CPED1: variants seen among roughly 807,000 people sequenced by gnomAD.
CPED1 encodes the protein cadherin-like and PC-esterase domain-containing protein 1.
A neutral mutation model predicts 128.2 loss-of-function variants in CPED1; 114 were observed. That is an observed-to-expected ratio of 0.89 (90% CI 0.76 to 1.04). The LOEUF is 1.04. Among genes scored for constraint, CPED1 ranks in the 50% least tolerant of loss-of-function variants. The pLI, the probability that CPED1 is intolerant of heterozygous loss-of-function variation, is 0.00. For missense variants in CPED1, 1,211 were observed against 1,207.1 expected, an observed-to-expected ratio of 1.00 and a Z score of -0.05; for synonymous variants, 462 against 426.7, an observed-to-expected ratio of 1.08 and a Z score of -1.02.
At chr7:121,074,527 T>TTTTTTTTTTTTG in intron 5 of CPED1, among the ~76,000 whole-genome samples, 1 of 148,494 alleles carries the variant, frequency 6.7e-6, no homozygotes, top group Admixed American at 6.8e-5. Context: ...TTTTTTTTTT[T>TTTTTTTTTTTTG]GAGGGCACCT....
intron 7 of CPED1, among the ~76,000 whole-genome samples, chr7:121,119,896 C>CA (rs1300923317): frequency 6.6e-6 from 1 of 152,106 alleles, no homozygotes; most frequent in Non-Finnish European, 1.5e-5. Context: ...CTAGATACCT[C>CA]ACATAAGTGG....
chr7:121,080,333 C>T (rs1013085639), intron 5 of CPED1, among the ~76,000 whole-genome samples: 3 of 152,250 alleles, frequency 2.0e-5, no homozygotes, highest in East Asian at 1.9e-4. Context: ...ACTAATACAT[C>T]GCCCAGTGAT....
intron 16 of CPED1, among the ~76,000 whole-genome samples, chr7:121,147,832 C>T (rs1685784874): frequency 6.6e-6 from 1 of 152,124 alleles, no homozygotes; most frequent in Admixed American, 6.5e-5. Context: ...TTTAGCTACA[C>T]ATTTGAAACT....
intron 4 of CPED1, among the ~76,000 whole-genome samples, chr7:121,053,732 T>A (rs1793421753): frequency 6.6e-6 from 1 of 152,236 alleles, no homozygotes; most frequent in South Asian, 2.1e-4. Context: ...ACTTTCATAA[T>A]TATTAATTGG....
intron 16 of CPED1, among the ~76,000 whole-genome samples, chr7:121,178,328 A>G (rs1796829043): frequency 6.6e-6 from 1 of 152,126 alleles, no homozygotes; most frequent in African/African-American, 2.4e-5. Context: ...AGAGAAAGAA[A>G]GTTACATTTT....
At chr7:121,210,337 T>C (rs770195777) in intron 16 of CPED1, among the ~76,000 whole-genome samples, 67 of 152,160 alleles carry the variant, frequency 4.4e-4, no homozygotes, top group Non-Finnish European at 7.2e-4. Flanking sequence ...GAAATTAGCA[T>C]ATAGAAGAGA....
intron 4 of CPED1, among the ~76,000 whole-genome samples, chr7:121,047,684 TCTTCTTCTTCTTCTTCTTCTTCTTCTTC>T (rs1563004849): frequency 3.0e-5 from 3 of 100,324 alleles, no homozygotes; most frequent in African/African-American, 5.4e-5. Context: ...TTCTTCTTCT[TCTTCTTCTTCTTCTTCTTCTTCTTCTTC>T]TTCTTTTTTT....
chr7:121,044,946 T>C (rs1585036525), intron 3 of CPED1, among the ~76,000 whole-genome samples: 1 of 152,092 alleles, frequency 6.6e-6, no homozygotes, highest in South Asian at 2.1e-4. Context: ...AAATATTTAG[T>C]TGGGAATCAT....
At chr7:121,234,812 C>T (rs574729245) in intron 16 of CPED1, among the ~76,000 whole-genome samples, 1 of 152,220 alleles carries the variant, frequency 6.6e-6, no homozygotes, top group African/African-American at 2.4e-5. Flanking sequence ...TGAACACACA[C>T]GTACACGTGT....
chr7:121,158,560 AATC>A (rs1403908158), intron 16 of CPED1, among the ~76,000 whole-genome samples: 1 of 151,768 alleles, frequency 6.6e-6, no homozygotes, highest in Non-Finnish European at 1.5e-5. Flanking sequence ...GTCCCTTATT[AATC>A]ATCTTTTTTT....
At chr7:121,226,392 C>A (rs1798014474) in intron 16 of CPED1, among the ~76,000 whole-genome samples, 3 of 151,968 alleles carry the variant, frequency 2.0e-5, no homozygotes. Context: ...TCCTGTTCAG[C>A]CATCTTGGAA....
intron 22 of CPED1, among the ~76,000 whole-genome samples, chr7:121,284,933 T>A (rs10233441): frequency 0.42 from 64,171 of 152,020 alleles, 14,456 homozygotes; most frequent in African/African-American, 0.57. Flanking sequence ...CCCAGTGGGG[T>A]CACTGTGTGG....
At chr7:121,294,456 A>G (rs1449230465) in intron 22 of CPED1, among the ~76,000 whole-genome samples, 1 of 152,216 alleles carries the variant, frequency 6.6e-6, no homozygotes, top group Non-Finnish European at 1.5e-5. Context: ...GGAAGAGGCC[A>G]ACAAATCCGT....
intron 18 of CPED1, among the ~76,000 whole-genome samples, chr7:121,245,830 ACAGGCGCCTGC>A (rs1463391640): frequency 6.6e-6 from 1 of 151,754 alleles, no homozygotes; most frequent in Non-Finnish European, 1.5e-5. Context: ...AGCTGGGATT[ACAGGCGCCTGC>A]CACCACGCCT....
chr7:121,241,449 C>A (rs1230365815), intron 17 of CPED1, among the ~76,000 whole-genome samples: 1 of 147,744 alleles, frequency 6.8e-6, no homozygotes, highest in African/African-American at 2.5e-5. Context: ...CTTTATTTTG[C>A]CATTCAAAAA....
chr7:121,101,910 A>G (rs1025680971), intron 7 of CPED1, among the ~76,000 whole-genome samples: 2 of 152,116 alleles, frequency 1.3e-5, no homozygotes, highest in African/African-American at 4.8e-5. Context: ...CCCACCTCCA[A>G]CATTGGGGAT....
chr7:121,225,151 T>C (rs991413834), intron 16 of CPED1, among the ~76,000 whole-genome samples: 14 of 152,286 alleles, frequency 9.2e-5, no homozygotes, highest in Admixed American at 6.5e-4. Flanking sequence ...CTTCAGGAGC[T>C]CCTGTAAGGC....
At chr7:121,047,653 T>TCTTCCTCTTCCTCTTCCTCTTCCTCTTCC (rs1563004737) in intron 4 of CPED1, among the ~76,000 whole-genome samples, 1 of 5,066 alleles carries the variant, frequency 2.0e-4, no homozygotes, top group African/African-American at 3.5e-4. Context: ...ACCTTTCTTC[T>TCTTCCTCTTCCTCTTCCTCTTCCTCTTCC]TCTTCTTCTT....
rs1792823864 is a variant in CPED1 at position 121,296,332 on chromosome 7, CTCTTG to C, written c.*685_*689del. On this transcript the variant is annotated 3_prime_UTR_variant, in exon 23 of 23. Coordinates refer to ENST00000310396, the MANE Select transcript of CPED1 (RefSeq NM_024913.5). ...TTCTTGTGTTTTTCATAAACATTCC[CTCTTG>C]TCTTATCTGTGTACTTCGATGGGTA... 6.6e-6 allele frequency: 1 copy of C among 152,108 alleles called. No homozygotes were observed. The highest frequency in any genetic ancestry group is 2.4e-5 in the African/African-American group (1 of 41,402). 9.4% of individuals were successfully genotyped at this position (152,108 alleles called of 1,614,324 possible).
Sources: gnomAD v4.1 joint callset for allele counts (sites outside exome capture counted in the v4.1 genomes callset) on GRCh38, gnomAD v4.1.1 for gene constraint, MANE v1.5 for transcripts, NCBI Gene and HGNC (gene_info 2026-07-23, HGNC 2026-07-21) for gene names.